Variants in LINC00305 observed in about 807,000 individuals in gnomAD.
The protein encoded by LINC00305 is long independently transcribed non-coding RNA 305.
intron 1 of LINC00305, among the ~76,000 whole-genome samples, chr18:64,143,538 T>C (rs1172113291): frequency 8.7e-6 from 1 of 114,358 alleles, no homozygotes; most frequent in Non-Finnish European, 1.9e-5. Flanking sequence ...TGTGTACATA[T>C]ATATGTACAC....
intron 1 of LINC00305, among the ~76,000 whole-genome samples, chr18:64,109,549 C>A (rs981005194): frequency 2.0e-5 from 3 of 152,226 alleles, no homozygotes; most frequent in Non-Finnish European, 4.4e-5. Context: ...TCATTGTCAT[C>A]ATCGGCCTCA....
Position 64,121,167 on chromosome 18 carries a change from C to T in LINC00305, n.315-22527G>A, listed in dbSNP as rs893320298. 3.3e-5 allele frequency among the ~76,000 whole-genome samples: 5 copies of T among 152,042 alleles called. No homozygotes were observed. In the East Asian group the frequency reaches 5.8e-4, roughly 18 times the overall value. On this transcript the variant is annotated intron_variant and non_coding_transcript_variant, in intron 1 of 3. Transcript: ENST00000666468. ...ATTTTAAACAAAGCAAATCACTAAA[C>T]ATTAGGCATGACATTGCTGATCACC... is the stretch of plus-strand genomic sequence containing the variant.
exon 4 of LINC00305, chr18:64,080,204 C>G: frequency 3.4e-6 from 1 of 291,514 alleles, no homozygotes; most frequent in South Asian, 3.0e-5. Flanking sequence ...ATCCAAAGTC[C>G]CTGCCGTTTA....
At chr18:64,108,783 A>G (rs1478260289) in intron 1 of LINC00305, among the ~76,000 whole-genome samples, 1 of 152,166 alleles carries the variant, frequency 6.6e-6, no homozygotes, top group East Asian at 1.9e-4. Flanking sequence ...TCCAATACAT[A>G]CTTTGATTAT....
chr18:64,141,703 A>G (rs1221647884), intron 1 of LINC00305, among the ~76,000 whole-genome samples: 1 of 152,224 alleles, frequency 6.6e-6, no homozygotes, highest in Non-Finnish European at 1.5e-5. Flanking sequence ...ATGTACTGGA[A>G]CTATTGTCCT....
At chr18:64,115,842 A>G (rs995602427) in intron 1 of LINC00305, among the ~76,000 whole-genome samples, 12 of 152,174 alleles carry the variant, frequency 7.9e-5, no homozygotes, top group Non-Finnish European at 1.6e-4. Flanking sequence ...TTTCTCAAGG[A>G]TCTGGGAGTC....
rs537041336 is a variant in LINC00305, at chr18:64,128,538, G to GA, written n.314+20236dup. Among the ~76,000 whole-genome samples the GA allele has an allele frequency of 3.9e-5, 6 of 152,174 alleles. No individual in the cohort carries two copies. The South Asian group carries it at 1.2e-3, about 32-fold the overall frequency. On this transcript the variant is annotated intron_variant and non_coding_transcript_variant, in intron 1 of 3. Coordinates refer to ENST00000666468, the Ensembl canonical transcript of LINC00305. Reference sequence around the variant, plus strand: ...TTGATTTACCTGGGAGCACTGAAATGAAAATCGCAGCCAGCCATCACCTTA... The same window carrying GA: ...TTGATTTACCTGGGAGCACTGAAATGAAAAATCGCAGCCAGCCATCACCTTA...
intron 1 of LINC00305, among the ~76,000 whole-genome samples, chr18:64,109,580 C>T (rs958203903): frequency 6.6e-6 from 1 of 152,202 alleles, no homozygotes; most frequent in Non-Finnish European, 1.5e-5. Context: ...CATGATCATG[C>T]CTTCTATGTA....
chr18:64,107,335 T>C (rs954185856), intron 1 of LINC00305, among the ~76,000 whole-genome samples: 3 of 152,116 alleles, frequency 2.0e-5, no homozygotes, highest in African/African-American at 7.2e-5. Context: ...GGAGACAGAA[T>C]GTGAAGGAGT....
At chr18:64,127,842 C>T (rs1335040004) in intron 1 of LINC00305, among the ~76,000 whole-genome samples, 6 of 152,046 alleles carry the variant, frequency 3.9e-5, no homozygotes, top group Non-Finnish European at 8.8e-5. Context: ...CTGAATTTCT[C>T]TCGTGGATTA....
chr18:64,084,863 G>A lies in LINC00305; in HGVS notation n.541-4461C>T, dbSNP rs538871436. ...TCATGATGCTTGTAGATGTGCCAGA[G>A]AATAATCCCCAAGCACTACTCTTCA... On this transcript the variant is annotated intron_variant and non_coding_transcript_variant, in intron 3 of 3. Transcript: ENST00000666468. 2.0e-5 allele frequency among the ~76,000 whole-genome samples: 3 copies of A among 152,314 alleles called. No individual in the cohort carries two copies. The East Asian group carries it at 5.8e-4, about 29-fold the overall frequency.
At chr18:64,102,546 A>C (rs1468646748) in intron 1 of LINC00305, among the ~76,000 whole-genome samples, 2 of 152,234 alleles carry the variant, frequency 1.3e-5, no homozygotes, top group East Asian at 1.9e-4. Context: ...AATGCTAAAA[A>C]TCAGGATAGG....
intron 1 of LINC00305, among the ~76,000 whole-genome samples, chr18:64,122,585 T>C (rs1187292106): frequency 1.3e-5 from 2 of 152,148 alleles, no homozygotes; most frequent in Non-Finnish European, 1.5e-5. Flanking sequence ...TTGGTTACTA[T>C]TGACTTGTAG....
chr18:64,108,636 G>C (rs1164528316), intron 1 of LINC00305, among the ~76,000 whole-genome samples: 4 of 152,108 alleles, frequency 2.6e-5, no homozygotes, highest in African/African-American at 9.7e-5. Context: ...CAAGAATTGA[G>C]AAACAACCCT....
At chr18:64,108,587 A>G (rs2051301600) in intron 1 of LINC00305, among the ~76,000 whole-genome samples, 1 of 152,214 alleles carries the variant, frequency 6.6e-6, no homozygotes, top group Non-Finnish European at 1.5e-5. Flanking sequence ...AACCAGATGA[A>G]CAAATGTGAG....
intron 1 of LINC00305, among the ~76,000 whole-genome samples, chr18:64,124,823 A>G (rs983993857): frequency 2.0e-5 from 3 of 152,118 alleles, no homozygotes; most frequent in African/African-American, 7.2e-5. Flanking sequence ...AGAAGAAAAC[A>G]GAAGCACAGA....
At chr18:64,135,486 G>A (rs1296281724) in intron 1 of LINC00305, among the ~76,000 whole-genome samples, 1 of 152,144 alleles carries the variant, frequency 6.6e-6, no homozygotes, top group Non-Finnish European at 1.5e-5. Flanking sequence ...GGAATTTGTT[G>A]GCACAATCCA....
chr18:64,080,742 T>C (rs988044294), intron 3 of LINC00305, among the ~76,000 whole-genome samples: 6 of 152,136 alleles, frequency 3.9e-5, no homozygotes, highest in Non-Finnish European at 8.8e-5. Flanking sequence ...AAACAATATG[T>C]AGTGCAAAAT....
chr18:64,098,060 A>T lies in LINC00305; in HGVS notation n.379-65T>A, dbSNP rs767779114. On this transcript the variant is annotated intron_variant and non_coding_transcript_variant, in intron 2 of 3. Transcript: ENST00000666468. ...CAACTAACCAACAACAAAATTAAAGATTTATTACGTATTATTGAATAAAGG... is the reference window on the plus strand; with the variant it reads ...CAACTAACCAACAACAAAATTAAAGTTTTATTACGTATTATTGAATAAAGG... 7 of 454,028 alleles carry T rather than the reference A, an allele frequency of 1.5e-5. No homozygotes were observed. In the Middle Eastern group the frequency reaches 2.0e-3, roughly 127 times the overall value. 28.1% of individuals were successfully genotyped at this position (454,028 alleles called of 1,614,324 possible). A position where few individuals can be genotyped will look rare whatever the true frequency, so the allele number is the denominator to read the frequency against.
Sources: allele counts gnomAD v4.1 joint callset (sites outside exome capture counted in the v4.1 genomes callset), GRCh38; gene constraint gnomAD v4.1.1; transcripts MANE v1.5; gene names NCBI Gene and HGNC (gene_info 2026-07-23, HGNC 2026-07-21).